ETS1: variants seen among roughly 807,000 people sequenced by gnomAD.
ETS1 encodes the protein protein C-ets-1.
A neutral mutation model predicts 58.6 loss-of-function variants in ETS1; 15 were observed. That is an observed-to-expected ratio of 0.26 (90% CI 0.17 to 0.39). The LOEUF is 0.39. Ranked by LOEUF, ETS1 falls within the 10% of genes least tolerant of loss-of-function variation. The probability of loss-of-function intolerance (pLI) is 1.00; values close to 1 mark genes in which losing one functional copy is unlikely to be tolerated. For missense variants in ETS1, 417 were observed against 610.5 expected, an observed-to-expected ratio of 0.68 and a Z score of 3.34; for synonymous variants, 214 against 218.2, an observed-to-expected ratio of 0.98 and a Z score of 0.17.
intron 3 of ETS1, among the ~76,000 whole-genome samples, chr11:128,553,231 C>T (rs187387572): frequency 2.0e-5 from 3 of 152,186 alleles, no homozygotes; most frequent in South Asian, 2.1e-4. Flanking sequence ...GGGGAAGAGG[C>T]GGACGGTAGG....
At chr11:128,481,774 T>C (rs1862493208) in intron 7 of ETS1, among the ~76,000 whole-genome samples, 1 of 152,334 alleles carries the variant, frequency 6.6e-6, no homozygotes, top group African/African-American at 2.4e-5. Context: ...ACATCAAACA[T>C]GAACAGATGC....
intron 1 of ETS1, among the ~76,000 whole-genome samples, chr11:128,587,006 A>G (rs1052462481): frequency 6.6e-6 from 1 of 152,198 alleles, no homozygotes; most frequent in Non-Finnish European, 1.5e-5. Context: ...TAGTTTGGCT[A>G]GCAAGATTCA....
intron 8 of ETS1, among the ~76,000 whole-genome samples, chr11:128,466,623 G>A (rs367957247): frequency 2.0e-5 from 3 of 152,170 alleles, no homozygotes; most frequent in South Asian, 2.1e-4. Context: ...GTCAGCATAC[G>A]GGACCCGGTG....
At chr11:128,550,266 A>G (rs1864208799) in intron 3 of ETS1, among the ~76,000 whole-genome samples, 1 of 152,224 alleles carries the variant, frequency 6.6e-6, no homozygotes, top group South Asian at 2.1e-4. Flanking sequence ...AATGTATACC[A>G]AAAGACCTTG....
intron 2 of ETS1, among the ~76,000 whole-genome samples, chr11:128,560,054 T>A (rs1351921052): frequency 6.6e-6 from 1 of 151,678 alleles, no homozygotes; most frequent in Non-Finnish European, 1.5e-5. Context: ...CGAAAGGACC[T>A]AACAAACATC....
chr11:128,572,991 G>C, intron 2 of ETS1, 71 bp downstream of exon 2: 1 of 1,252,434 alleles, frequency 8.0e-7, no homozygotes, highest in Non-Finnish European at 1.1e-6. Flanking sequence ...TGGGGGTCAG[G>C]ATACAGGAAG....
intron 3 of ETS1, among the ~76,000 whole-genome samples, chr11:128,507,981 C>T (rs1226445916): frequency 6.6e-6 from 1 of 152,178 alleles, no homozygotes. Context: ...CAAAAAACTG[C>T]CTTGTTGAAG....
chr11:128,514,536 T>C (rs1413893972), intron 3 of ETS1, among the ~76,000 whole-genome samples: 1 of 152,106 alleles, frequency 6.6e-6, no homozygotes, highest in Non-Finnish European at 1.5e-5. Flanking sequence ...GAAGTGCCCC[T>C]GTTTCCCATG....
intron 8 of ETS1, among the ~76,000 whole-genome samples, chr11:128,472,218 C>T (rs142451063): frequency 2.6e-5 from 4 of 152,298 alleles, no homozygotes; most frequent in East Asian, 1.9e-4. Context: ...GAAACTCCAC[C>T]GCCTCAGCTC....
At chr11:128,521,323 A>C (rs1184524745) in intron 3 of ETS1, among the ~76,000 whole-genome samples, 1 of 152,214 alleles carries the variant, frequency 6.6e-6, no homozygotes. Flanking sequence ...AGTAACCTAC[A>C]TGAATAGGGT....
intron 3 of ETS1, among the ~76,000 whole-genome samples, chr11:128,500,531 G>A (rs754938005): frequency 6.6e-6 from 1 of 152,066 alleles, no homozygotes; most frequent in Non-Finnish European, 1.5e-5. Context: ...CGGTGCTACA[G>A]AAAGAAAAAC....
intron 1 of ETS1, among the ~76,000 whole-genome samples, chr11:128,583,413 TTTGGTCC>T (rs1864914930): frequency 6.6e-6 from 1 of 152,210 alleles, no homozygotes; most frequent in Non-Finnish European, 1.5e-5. Context: ...GTTCTAGTTA[TTTGGTCC>T]CTTTTATCAA....
intron 3 of ETS1, among the ~76,000 whole-genome samples, chr11:128,502,017 G>A (rs1020279278): frequency 1.3e-5 from 2 of 152,214 alleles, no homozygotes; most frequent in Non-Finnish European, 2.9e-5. Context: ...GAGAGAGAGA[G>A]AGAGAGAGAA....
At chr11:128,533,129 C>T (rs1863924528) in intron 3 of ETS1, among the ~76,000 whole-genome samples, 1 of 152,200 alleles carries the variant, frequency 6.6e-6, no homozygotes, top group Non-Finnish European at 1.5e-5. Context: ...CATATCCATC[C>T]AAAGCCCAGA....
In ETS1 at chr11:128,490,563, T is replaced by C. The variant is rs1043741347; in HGVS notation, c.228A>G (p.Ala76=). 6.2e-7 allele frequency: 1 copy of C among 1,610,564 alleles called. No individual in the cohort carries two copies. Among genetic ancestry groups the C allele is most frequent in the Non-Finnish European group, 8.5e-7 (1 of 1,177,212 alleles). Residue 76 remains alanine (A), a synonymous_variant, in exon 4 of 10, where the codon GCA becomes GCG. Coordinates refer to ENST00000392668, the MANE Select transcript of ETS1 (RefSeq NM_001143820.2). Reference sequence around the variant, plus strand: ...TGCTTGGAGTTAATAGTGGGACATCTGCACATTCCATATCTGCATGAAAAA... The same window carrying C: ...TGCTTGGAGTTAATAGTGGGACATCCGCACATTCCATATCTGCATGAAAAA... ...LEHCVSDMEC[A]DVPLLTPSSK...
chr11:128,474,765 G>C (rs1862277272), intron 8 of ETS1, among the ~76,000 whole-genome samples: 1 of 152,196 alleles, frequency 6.6e-6, no homozygotes, highest in South Asian at 2.1e-4. Flanking sequence ...TAAGCTGAGG[G>C]GGCTGCCAGC....
intron 1 of ETS1, among the ~76,000 whole-genome samples, chr11:128,573,728 T>C (rs1404947320): frequency 6.6e-6 from 1 of 152,210 alleles, no homozygotes; most frequent in Non-Finnish European, 1.5e-5. Context: ...AGAGCTATTT[T>C]CTACATTGGA....
chr11:128,566,651 T>C (rs566541313), intron 2 of ETS1, among the ~76,000 whole-genome samples: 22 of 151,766 alleles, frequency 1.4e-4, no homozygotes, highest in Admixed American at 4.6e-4. Flanking sequence ...GGCACGGTGG[T>C]GGGCGCCTGT....
chr11:128,582,346 G>C (rs1303453375), intron 1 of ETS1, among the ~76,000 whole-genome samples: 1 of 152,106 alleles, frequency 6.6e-6, no homozygotes, highest in Non-Finnish European at 1.5e-5. Flanking sequence ...TATAGAGGAG[G>C]ATCATACAAA....
Sources: allele counts gnomAD v4.1 joint callset (sites outside exome capture counted in the v4.1 genomes callset), GRCh38; gene constraint gnomAD v4.1.1; transcripts MANE v1.5; gene names NCBI Gene and HGNC (gene_info 2026-07-23, HGNC 2026-07-21).